The following PRKN variants were observed in gnomAD, a reference collection of about 807,000 sequenced individuals.
PRKN encodes E3 ubiquitin-protein ligase parkin.
A neutral mutation model predicts 59.5 loss-of-function variants in PRKN; 56 were observed. That is an observed-to-expected ratio of 0.94 (90% confidence interval 0.76 to 1.18). The LOEUF (loss-of-function observed/expected upper bound fraction) is 1.18, where lower values mean the gene tolerates loss of function less well. Ranked by LOEUF, PRKN falls within the 50% of genes most tolerant of loss-of-function variation. The pLI, the probability that PRKN is intolerant of heterozygous loss-of-function variation, is 0.00. For synonymous variants in PRKN, 250 were observed against 222.1 expected (o/e 1.13, Z -1.12); for missense variants, 657 against 596.4 (o/e 1.10, Z -1.06).
rs1256217294 is a variant in PRKN at position 161,348,778 on chromosome 6, C to T, written c.*1321G>A. On this transcript the variant is annotated 3_prime_UTR_variant, in exon 12 of 12. Transcript: ENST00000366898. The surrounding 1 kb of genome is among the most constrained non-coding windows in gnomAD (Gnocchi z 4.9). ...GATCTTCCTGAGAAGTCAGACAATACAGGTAGAACAAAAGATAGTGGTTGT... is the reference window on the plus strand; with the variant it reads ...GATCTTCCTGAGAAGTCAGACAATATAGGTAGAACAAAAGATAGTGGTTGT... 4.8e-6 allele frequency: 1 copy of T among 209,488 alleles called. No individual in the cohort carries two copies. The highest frequency in any genetic ancestry group is 9.7e-6 in the Non-Finnish European group (1 of 102,974). 13.0% of individuals were successfully genotyped at this position (209,488 alleles called of 1,614,324 possible).
intron 6 of PRKN, among the ~76,000 whole-genome samples, chr6:161,855,964 T>A (rs1283387908): frequency 6.6e-6 from 1 of 152,170 alleles, no homozygotes; most frequent in African/African-American, 2.4e-5. Context: ...TTCATCAGGT[T>A]AACAGACTAG....
chr6:162,486,030 T>G (rs1792523040), intron 1 of PRKN, among the ~76,000 whole-genome samples: 1 of 152,150 alleles, frequency 6.6e-6, no homozygotes, highest in African/African-American at 2.4e-5. Flanking sequence ...TTTATTTCAG[T>G]CTTTTGTTTT....
At chr6:162,591,871 T>C (rs1462965648) in intron 1 of PRKN, among the ~76,000 whole-genome samples, 1 of 151,592 alleles carries the variant, frequency 6.6e-6, no homozygotes, top group African/African-American at 2.4e-5. Context: ...CACATTCAAA[T>C]TCCTATGTAC....
intron 1 of PRKN, among the ~76,000 whole-genome samples, chr6:162,451,367 T>TA (rs140082933): frequency 0.03 from 3,104 of 104,704 alleles, 54 homozygotes; most frequent in East Asian, 0.045. Flanking sequence ...CTTAAAGGAG[T>TA]AAAAAAAAAA....
At chr6:162,389,724 T>C (rs191740061) in intron 2 of PRKN, among the ~76,000 whole-genome samples, 45 of 152,344 alleles carry the variant, frequency 3.0e-4, no homozygotes, top group African/African-American at 1.0e-3. Context: ...ATAAGTAACT[T>C]AGCCAAGATT....
At chr6:162,379,953 G>A (rs1786338350) in intron 2 of PRKN, among the ~76,000 whole-genome samples, 4 of 152,136 alleles carry the variant, frequency 2.6e-5, no homozygotes, top group South Asian at 2.1e-4. Flanking sequence ...GGGAGACAGC[G>A]TTTGGAAGCT....
intron 1 of PRKN, among the ~76,000 whole-genome samples, chr6:162,451,292 C>T (rs1185390417): frequency 6.7e-6 from 1 of 149,256 alleles, no homozygotes; most frequent in East Asian, 2.0e-4. Flanking sequence ...GAGACAAAAC[C>T]CTGAAATGAC....
chr6:162,526,908 A>G (rs1778312346), intron 1 of PRKN, among the ~76,000 whole-genome samples: 1 of 152,174 alleles, frequency 6.6e-6, no homozygotes, highest in Non-Finnish European at 1.5e-5. Context: ...ACATTGAAAG[A>G]TGGGTCACTC....
At chr6:162,262,816 C>T in intron 2 of PRKN, 51 bp from the exon 3 acceptor site, 1 of 1,576,864 alleles carries the variant, frequency 6.3e-7, no homozygotes, top group Non-Finnish European at 8.6e-7. Context: ...AAATGTCAAA[C>T]ATGAAATGCG....
At chr6:162,336,049 G>A (rs1439852295) in intron 2 of PRKN, among the ~76,000 whole-genome samples, 1 of 151,874 alleles carries the variant, frequency 6.6e-6, no homozygotes, top group Admixed American at 6.6e-5. Flanking sequence ...AACCTCTACA[G>A]GGTAAGCAAG....
intron 5 of PRKN, among the ~76,000 whole-genome samples, chr6:162,050,601 T>C (rs1777595387): frequency 6.6e-6 from 1 of 152,116 alleles, no homozygotes; most frequent in African/African-American, 2.4e-5. Context: ...ACTGACCAAG[T>C]GACTGGTCCA....
At chr6:162,101,764 T>C (rs910826942) in intron 4 of PRKN, among the ~76,000 whole-genome samples, 1 of 152,200 alleles carries the variant, frequency 6.6e-6, no homozygotes, top group Admixed American at 6.5e-5. Context: ...ATACTCTAAC[T>C]ATGTGGTATA....
chr6:162,296,990 C>T (rs1016446008), intron 2 of PRKN, among the ~76,000 whole-genome samples: 15 of 151,934 alleles, frequency 9.9e-5, no homozygotes, highest in African/African-American at 3.6e-4. Flanking sequence ...AATCATACTT[C>T]TACAAGGAAA....
At chr6:161,712,616 A>T (rs1786794703) in intron 7 of PRKN, among the ~76,000 whole-genome samples, 1 of 152,178 alleles carries the variant, frequency 6.6e-6, no homozygotes, top group Non-Finnish European at 1.5e-5. Flanking sequence ...GTTCCTTATT[A>T]AATTTACTTC....
At chr6:162,288,713 CCACAAA>C (rs530094452) in intron 2 of PRKN, among the ~76,000 whole-genome samples, 16 of 152,104 alleles carry the variant, frequency 1.1e-4, no homozygotes, top group Non-Finnish European at 1.8e-4. Context: ...TAAACCAAGC[CCACAAA>C]CATGGAAATG....
At chr6:161,614,848 A>G (rs957313332) in intron 7 of PRKN, among the ~76,000 whole-genome samples, 2 of 152,192 alleles carry the variant, frequency 1.3e-5, no homozygotes, top group Non-Finnish European at 2.9e-5. Context: ...GGCTGCAGGC[A>G]GCCACTGTGT....
chr6:162,232,238 G>T (rs548414541), intron 3 of PRKN, among the ~76,000 whole-genome samples: 1 of 152,084 alleles, frequency 6.6e-6, no homozygotes, highest in Non-Finnish European at 1.5e-5. Context: ...CCTAGCTCAC[G>T]GCACTGTTGC....
intron 9 of PRKN, among the ~76,000 whole-genome samples, chr6:161,490,339 TTCTC>T (rs146235423): frequency 7.5e-6 from 1 of 134,134 alleles, no homozygotes; most frequent in East Asian, 2.2e-4. Context: ...CTTGCTTGCT[TTCTC>T]TCTCTCTCTC....
At chr6:162,537,970 C>T (rs1013552146) in intron 1 of PRKN, among the ~76,000 whole-genome samples, 1 of 152,158 alleles carries the variant, frequency 6.6e-6, no homozygotes, top group Non-Finnish European at 1.5e-5. Flanking sequence ...ACCCCAAACA[C>T]CCAGTGGACA....
Sources: gnomAD v4.1 joint callset for allele counts (sites outside exome capture counted in the v4.1 genomes callset) on GRCh38, gnomAD v4.1.1 for gene constraint, Gnocchi (gnomAD v3.1) non-coding constraint, MANE v1.5 for transcripts, NCBI Gene and HGNC (gene_info 2026-07-23, HGNC 2026-07-21) for gene names.